TAFA5: variants seen among roughly 807,000 people sequenced by gnomAD.
TAFA5 encodes the protein TAFA chemokine like family member 5.
A neutral mutation model predicts 15.3 loss-of-function variants in TAFA5; 6 were observed. The ratio of observed to expected loss-of-function variants is 0.39; its 90% CI spans 0.21 to 0.77. The LOEUF (loss-of-function observed/expected upper bound fraction) is 0.77. Among genes scored for constraint, TAFA5 ranks in the 30% least tolerant of loss-of-function variants. The pLI is 0.41. For synonymous variants in TAFA5, 103 were observed against 80.7 expected, an observed-to-expected ratio of 1.28 and a Z score of -1.48; for missense variants, 161 against 193.1, an observed-to-expected ratio of 0.83 and a Z score of 0.98.
intron 2 of TAFA5, among the ~76,000 whole-genome samples, chr22:48,680,890 G>A (rs193013058): frequency 1.2e-4 from 18 of 152,344 alleles, no homozygotes; most frequent in African/African-American, 1.9e-4. Flanking sequence ...ATCTTAGGGC[G>A]CCCGGGTGGC....
intron 1 of TAFA5, among the ~76,000 whole-genome samples, chr22:48,639,265 G>A (rs956935764): frequency 3.3e-5 from 5 of 152,204 alleles, no homozygotes; most frequent in African/African-American, 9.6e-5. Flanking sequence ...GGGTCACCTC[G>A]GGCCGCCCCC....
Position 48,658,374 on chromosome 22 carries a change from A to T in TAFA5, c.262+11628A>T, listed in dbSNP as rs1927321782. Among the ~76,000 whole-genome samples, 4 of 152,204 alleles carry T rather than the reference A, an allele frequency of 2.6e-5. No individual in the cohort carries two copies. The South Asian group carries it at 8.3e-4, about 32-fold the overall frequency. Reference sequence around the variant, plus strand: ...CTGCAGCGTTGCTTGTCCATGGCAGACGCCAGATGGATGTGCACAGCCCAT... The same window carrying T: ...CTGCAGCGTTGCTTGTCCATGGCAGTCGCCAGATGGATGTGCACAGCCCAT... On this transcript the variant is annotated intron_variant, in intron 2 of 3. Transcript: ENST00000402357.
At chr22:48,624,786 C>G (rs1925970505) in intron 1 of TAFA5, among the ~76,000 whole-genome samples, 1 of 152,154 alleles carries the variant, frequency 6.6e-6, no homozygotes, top group Non-Finnish European at 1.5e-5. Context: ...GGGTTTCTTT[C>G]ATCACAGAGT....
At chr22:48,587,796 C>A (rs931734302) in intron 1 of TAFA5, among the ~76,000 whole-genome samples, 1 of 152,266 alleles carries the variant, frequency 6.6e-6, no homozygotes, top group African/African-American at 2.4e-5. Flanking sequence ...TTTTCTTCTC[C>A]TTTTGCGTTT....
At chr22:48,602,124 C>G (rs1391465689) in intron 1 of TAFA5, among the ~76,000 whole-genome samples, 1 of 152,220 alleles carries the variant, frequency 6.6e-6, no homozygotes, top group East Asian at 1.9e-4. Context: ...CAGCCTGCAT[C>G]CAGGGCACAT....
intron 1 of TAFA5, among the ~76,000 whole-genome samples, chr22:48,523,978 A>T (rs1295657635): frequency 6.6e-6 from 1 of 152,174 alleles, no homozygotes; most frequent in Non-Finnish European, 1.5e-5. Context: ...CTACCACCGC[A>T]CGTGGTCCCA....
chr22:48,584,730 C>T (rs1924268283), intron 1 of TAFA5, among the ~76,000 whole-genome samples: 1 of 148,240 alleles, frequency 6.7e-6, no homozygotes, highest in South Asian at 2.2e-4. Context: ...CCCACACGCA[C>T]CATATACACG....
intron 1 of TAFA5, among the ~76,000 whole-genome samples, chr22:48,605,482 G>A (rs914162805): frequency 2.0e-4 from 30 of 150,046 alleles, no homozygotes; most frequent in Non-Finnish European, 4.0e-4. Flanking sequence ...TGTTGGTGGT[G>A]GCAGGGATGG....
chr22:48,502,591 G>T lies in TAFA5; in HGVS notation c.112+12887G>T, dbSNP rs868503797. On this transcript the variant is annotated intron_variant, in intron 1 of 3. Coordinates refer to ENST00000402357, the MANE Select transcript of TAFA5 (RefSeq NM_001082967.3). The stretch of plus-strand genomic sequence containing the variant: ...GCCTGGAGTGAAGTGGTGTGATCTC[G>T]GCTCACTGCAGCCTCCACCTCCCAG... 2.7e-5 allele frequency among the ~76,000 whole-genome samples: 4 copies of T among 146,508 alleles called. No individual in the cohort carries two copies. In the Middle Eastern group the frequency reaches 0.01, roughly 384 times the overall value.
At chr22:48,650,422 T>C (rs1927011585) in intron 2 of TAFA5, among the ~76,000 whole-genome samples, 1 of 152,182 alleles carries the variant, frequency 6.6e-6, no homozygotes, top group Admixed American at 6.5e-5. Context: ...AGCCATGCAG[T>C]GCTGCAGGTG....
intron 1 of TAFA5, among the ~76,000 whole-genome samples, chr22:48,616,927 G>A (rs1470262634): frequency 3.9e-5 from 6 of 152,152 alleles, no homozygotes; most frequent in African/African-American, 1.2e-4. Context: ...TCTCCTTGGT[G>A]GGCCGGTGGA....
chr22:48,504,210 T>C (rs1920971871), intron 1 of TAFA5, among the ~76,000 whole-genome samples: 1 of 152,334 alleles, frequency 6.6e-6, no homozygotes, highest in South Asian at 2.1e-4. Flanking sequence ...CCACCTTATC[T>C]TGTGGCTCAG....
At position 48,552,985 on chromosome 22, in the gene TAFA5, G is replaced by C. The variant is rs1040781011; in HGVS notation, c.112+63281G>C. Among the ~76,000 whole-genome samples, 18 of 152,146 alleles carry C rather than the reference G, an allele frequency of 1.2e-4. No individual in the cohort carries two copies. Among genetic ancestry groups the C allele is most frequent in the Admixed American group, 2.0e-4 (3 of 15,284 alleles). On this transcript the variant is annotated intron_variant, in intron 1 of 3. Transcript: ENST00000402357. This position sits in a 1 kb window ranked among gnomAD's most constrained non-coding sequence, Gnocchi z 4.1. The stretch of plus-strand genomic sequence containing the variant: ...GCTCGTCCCCAACCACCTGGTCACA[G>C]GCAGAGATTGGTCTGCCTACTGCTC...
rs977737316 is a variant in TAFA5, at chr22:48,490,863, C to T, written c.112+1159C>T. Among the ~76,000 whole-genome samples the T allele has an allele frequency of 2.6e-5, 4 of 151,776 alleles. No homozygotes were observed. The highest frequency in any genetic ancestry group is 1.3e-4 in the Admixed American group (2 of 15,268). On this transcript the variant is annotated intron_variant, in intron 1 of 3. Coordinates refer to ENST00000402357, the MANE Select transcript of TAFA5 (RefSeq NM_001082967.3). This position sits in a 1 kb window ranked among gnomAD's most constrained non-coding sequence, Gnocchi z 5.8. Reference sequence around the variant, plus strand: ...GCCCCGGGCCTCCAAGCTCCCAGTCCGATCTGATCCTTCCGCTGTCGCCAA... The same window carrying T: ...GCCCCGGGCCTCCAAGCTCCCAGTCTGATCTGATCCTTCCGCTGTCGCCAA...
chr22:48,562,185 T>G (rs559789957), intron 1 of TAFA5, among the ~76,000 whole-genome samples: 3 of 121,680 alleles, frequency 2.5e-5, no homozygotes, highest in Admixed American at 9.1e-5. Flanking sequence ...TCGCCCAGGT[T>G]GGAGTGCAGT....
intron 2 of TAFA5, chr22:48,693,299 G>C (rs537055308): frequency 6.2e-7 from 1 of 1,604,842 alleles, no homozygotes; most frequent in Admixed American, 1.7e-5. Context: ...CCAGAAATTT[G>C]CCCTAAGAGA....
intron 3 of TAFA5, 97 bp from the exon 4 acceptor site, chr22:48,749,742 G>A: frequency 7.0e-7 from 1 of 1,426,068 alleles, no homozygotes. Context: ...CAGGAGGCCG[G>A]CTGGCAGGAG....
rs1930197559 is a variant in TAFA5, at chr22:48,742,121, T to C, written c.391-7718T>C. Among the ~76,000 whole-genome samples, 1 of 150,074 alleles carries C rather than the reference T, an allele frequency of 6.7e-6. No homozygotes were observed. The highest frequency in any genetic ancestry group is 1.5e-5 in the Non-Finnish European group (1 of 67,508). ...GGGCACCTGCCAGGCTCTGGAGGGG[T>C]CTGGCTGCACCGGCTCCCCTGCCCA... On this transcript the variant is annotated intron_variant, in intron 3 of 3. Transcript: ENST00000402357. This position sits in a 1 kb window ranked among gnomAD's most constrained non-coding sequence, Gnocchi z 6.2.
intron 1 of TAFA5, among the ~76,000 whole-genome samples, chr22:48,622,089 TCTC>T (rs1223032311): frequency 1.3e-5 from 2 of 151,990 alleles, no homozygotes; most frequent in African/African-American, 4.8e-5. Flanking sequence ...CACCTTCCCT[TCTC>T]CTGCACCCTG....
Sources: allele counts gnomAD v4.1 joint callset (sites outside exome capture counted in the v4.1 genomes callset), GRCh38; gene constraint gnomAD v4.1.1; non-coding constraint Gnocchi (gnomAD v3.1); transcripts MANE v1.5; gene names NCBI Gene and HGNC (gene_info 2026-07-23, HGNC 2026-07-21).